Variants in NUP210 observed in about 807,000 individuals in gnomAD.
The protein encoded by NUP210 is nucleoporin 210, also known as nuclear pore membrane glycoprotein 210.
Under a neutral mutation model 196.0 loss-of-function variants are expected in NUP210, and 151 were observed. That is an observed-to-expected ratio of 0.77 (90% CI 0.67 to 0.88). NUP210 has a LOEUF of 0.88. NUP210 is among the 40% of genes least tolerant of loss of function. The probability of loss-of-function intolerance (pLI) is 0.00; values close to 1 mark genes in which losing one functional copy is unlikely to be tolerated. For missense variants in NUP210, 2,314 were observed against 2,493.7 expected (o/e 0.93, Z 1.53); for synonymous variants, 1,070 against 1,052.7 (o/e 1.02, Z -0.32).
At chr3:13,388,248 G>A (rs1279537463) in intron 5 of NUP210, 55 bp downstream of exon 5, 14 of 1,449,752 alleles carry the variant, frequency 9.7e-6, no homozygotes, top group South Asian at 2.6e-5. Flanking sequence ...AGCAGGTACC[G>A]TCAGCCTGAT....
At chr3:13,410,688 C>A (rs1459143786) in intron 1 of NUP210, among the ~76,000 whole-genome samples, 9 of 148,030 alleles carry the variant, frequency 6.1e-5, no homozygotes, top group Non-Finnish European at 1.3e-4. Context: ...GAGGCCGAGG[C>A]GGGTGGATCA....
chr3:13,377,819 T>C (rs1416586866), intron 8 of NUP210, among the ~76,000 whole-genome samples: 3 of 141,508 alleles, frequency 2.1e-5, no homozygotes, highest in African/African-American at 8.1e-5. Context: ...ACCACTTACC[T>C]GGAGGCCCCA....
chr3:13,360,253 AGCAGCT>A lies in NUP210; in HGVS notation c.2154+11_2154+16del, dbSNP rs1044401932. 10 of 1,605,614 alleles carry A rather than the reference AGCAGCT, an allele frequency of 6.2e-6. No individual in the cohort carries two copies. Among genetic ancestry groups the A allele is most frequent in the Non-Finnish European group, 8.5e-6 (10 of 1,172,426 alleles). On this transcript the variant is annotated intron_variant, in intron 15 of 39. Coordinates refer to ENST00000254508, the MANE Select transcript of NUP210 (RefSeq NM_024923.4). Reference sequence around the variant, plus strand: ...CTGCCTTAGGGCAAGGAGGGTCTGGAGCAGCTGCCCACTCACCTGCTCACCCAAGGC... The same window carrying A: ...CTGCCTTAGGGCAAGGAGGGTCTGGAGCCCACTCACCTGCTCACCCAAGGC...
chr3:13,337,716 G>T, intron 26 of NUP210, 121 bp downstream of exon 26: 1 of 868,908 alleles, frequency 1.2e-6, no homozygotes, highest in Non-Finnish European at 1.8e-6. Context: ...CAGGTGGGAA[G>T]CAGGCCCTAG....
chr3:13,342,296 G>T (rs941172569), intron 21 of NUP210, among the ~76,000 whole-genome samples, 173 bp from the exon 22 acceptor site: 2 of 152,148 alleles, frequency 1.3e-5, no homozygotes, highest in African/African-American at 4.8e-5. Flanking sequence ...AATGAAAATC[G>T]ATGAGGGGGA....
chr3:13,357,439 G>A (rs1698205818), intron 16 of NUP210, among the ~76,000 whole-genome samples: 1 of 152,190 alleles, frequency 6.6e-6, no homozygotes, highest in Non-Finnish European at 1.5e-5. Flanking sequence ...ATCTCTGGGA[G>A]GCAGGTTCCT....
intron 1 of NUP210, among the ~76,000 whole-genome samples, chr3:13,403,684 G>A (rs908120293): frequency 1.3e-5 from 2 of 152,218 alleles, no homozygotes; most frequent in Admixed American, 1.3e-4. Context: ...CTCTACTTGG[G>A]AGGCAGCGGG....
At position 13,347,279 on chromosome 3, in the gene NUP210, G is replaced by A. The variant is rs943250629; in HGVS notation, c.2836-3976C>T. On this transcript the variant is annotated intron_variant, in intron 20 of 39. Coordinates refer to ENST00000254508, the MANE Select transcript of NUP210 (RefSeq NM_024923.4). This position sits in a 1 kb window ranked among gnomAD's most constrained non-coding sequence, Gnocchi z 4.7. ...CCTGGCACACGATAAGCACTCCAGC[G>A]TCTCTGAGTGCACGAGTTAATGGGA... 2.6e-5 allele frequency: 26 copies of A among 984,988 alleles called. No homozygotes were observed. The highest frequency in any genetic ancestry group is 1.8e-4 in the Admixed American group (3 of 16,236). 61.0% of individuals were successfully genotyped at this position (984,988 alleles called of 1,614,324 possible).
intron 1 of NUP210, among the ~76,000 whole-genome samples, chr3:13,409,980 G>A (rs1700113598): frequency 6.9e-6 from 1 of 144,990 alleles, no homozygotes; most frequent in Non-Finnish European, 1.5e-5. Flanking sequence ...GGGACTACAG[G>A]TGCACGCCAC....
intron 1 of NUP210, among the ~76,000 whole-genome samples, chr3:13,401,056 G>A (rs1035340316): frequency 3.3e-5 from 5 of 151,926 alleles, no homozygotes; most frequent in Admixed American, 1.3e-4. Context: ...TCAGGAGTTC[G>A]AGACCAGCCT....
At chr3:13,373,620 T>A in intron 12 of NUP210, 98 bp downstream of exon 12, 1 of 1,265,856 alleles carries the variant, frequency 7.9e-7, no homozygotes, top group Non-Finnish European at 1.1e-6. Flanking sequence ...GACCCAAGGT[T>A]GGGGGTGTTT....
Position 13,397,386 on chromosome 3 carries a change from T to A in NUP210, c.407A>T (p.Glu136Val), listed in dbSNP as rs763073801. 6.2e-7 allele frequency: 1 copy of A among 1,611,662 alleles called. No homozygotes were observed. The highest frequency in any genetic ancestry group is 1.3e-5 in the African/African-American group (1 of 74,706). Residue 136 changes from glutamate to valine, a missense_variant, in exon 3 of 40, where the codon GAG (glutamate) becomes GTG (valine). Physicochemically the swap from Glu to Val is moderately radical, Grantham distance 121. Transcript: ENST00000254508. ...RELYLEDSPLELKIQALDSEG... is the reference protein window; with the variant it reads ...RELYLEDSPLVLKIQALDSEG... ...GGAGTCCAGGGCCTGGATCTTCAGC[T>A]CCAGGGGGGAGTCCTCCAGGTAGAG...
intron 11 of NUP210, among the ~76,000 whole-genome samples, chr3:13,374,561 G>A (rs113734579): frequency 8.5e-5 from 13 of 152,170 alleles, no homozygotes; most frequent in African/African-American, 2.4e-4. Flanking sequence ...TGGGGACCTC[G>A]AGACCGATGC....
intron 11 of NUP210, 31 bp from the exon 12 acceptor site, chr3:13,373,904 C>T: frequency 6.2e-7 from 1 of 1,608,900 alleles, no homozygotes. Context: ...CAGGACCAGC[C>T]ACCCACCCTT....
intron 20 of NUP210, chr3:13,344,873 A>G (rs997923096): frequency 1.0e-5 from 10 of 956,902 alleles, no homozygotes; most frequent in Admixed American, 6.2e-5. Context: ...GCTGGCTCCA[A>G]GTCATCCTCC....
At chr3:13,319,482 G>A (rs779872539) in intron 37 of NUP210, among the ~76,000 whole-genome samples, 157 bp from the exon 38 acceptor site, 6 of 152,146 alleles carry the variant, frequency 3.9e-5, no homozygotes, top group Non-Finnish European at 7.4e-5. Context: ...CTGGAGGCCC[G>A]GGCCCACAGC....
chr3:13,411,114 C>T (rs1182488567), intron 1 of NUP210, among the ~76,000 whole-genome samples: 1 of 151,948 alleles, frequency 6.6e-6, no homozygotes, highest in Non-Finnish European at 1.5e-5. Flanking sequence ...CATCTATAGT[C>T]CCAACTACTC....
rs763793356 is a variant in NUP210 at position 13,388,384 on chromosome 3, C to T, written c.603G>A (p.Lys201=). ...SYISEMEKAA[K]QGDTILVSGM... The stretch of plus-strand genomic sequence containing the variant: ...CAGACACCAGGATGGTGTCCCCTTG[C>T]TTGGCAGCCTTCTCCATCTCTGAGA... The change falls in exon 5 of 40, where the codon AAG becomes AAA. Residue 201 remains lysine, a synonymous_variant. Transcript: ENST00000254508. 1 of 1,612,790 alleles carries T rather than the reference C, an allele frequency of 6.2e-7. No homozygotes were observed. Among genetic ancestry groups the T allele is most frequent in the African/African-American group, 1.3e-5 (1 of 74,948 alleles).
In NUP210 at chr3:13,339,931, C is replaced by A. The variant is rs1399371275; in HGVS notation, c.3394G>T (p.Ala1132Ser). ...VSAAGLVQGL[A>S]IGNGTVSGLV... ...CCAGACACAGTGCCGTTCCCGATGG[C>A]GAGGCCCTGTACCAGCCCAGCAGCG... The change falls in exon 25 of 40, where the codon GCC (alanine) becomes TCC (serine). Residue 1132 changes from alanine (A) to serine (S), a missense_variant. Coordinates refer to ENST00000254508, the MANE Select transcript of NUP210 (RefSeq NM_024923.4). 6.2e-7 allele frequency: 1 copy of A among 1,614,052 alleles called. No individual in the cohort carries two copies. The highest frequency in any genetic ancestry group is 8.5e-7 in the Non-Finnish European group (1 of 1,180,056).
Sources: gnomAD v4.1 joint callset for allele counts (sites outside exome capture counted in the v4.1 genomes callset) on GRCh38, gnomAD v4.1.1 for gene constraint, Gnocchi (gnomAD v3.1) non-coding constraint, MANE v1.5 for transcripts, NCBI Gene and HGNC (gene_info 2026-07-23, HGNC 2026-07-21) for gene names.